Variants in RUNX3 observed in about 807,000 individuals in gnomAD.
RUNX3 encodes runt-related transcription factor 3.
Under a neutral mutation model 27.7 loss-of-function variants are expected in RUNX3, and 10 were observed. The observed-to-expected ratio is 0.36, with a 90% CI of 0.22 to 0.61. RUNX3 has a LOEUF of 0.61. Among genes scored for constraint, RUNX3 ranks in the 20% least tolerant of loss-of-function variants. RUNX3 has a pLI of 0.72. For synonymous variants in RUNX3, 270 were observed against 269.2 expected (o/e 1.00, Z -0.03); for missense variants, 469 against 629.5 (o/e 0.75, Z 2.73).
chr1:24,947,696 C>T (rs549925794), intron 2 of RUNX3, among the ~76,000 whole-genome samples: 30 of 152,264 alleles, frequency 2.0e-4, no homozygotes, highest in South Asian at 4.1e-4. Flanking sequence ...CCCCTGGGGA[C>T]GCTCCCTGTT....
At chr1:24,912,497 C>A (rs1230276775) in intron 3 of RUNX3, among the ~76,000 whole-genome samples, 1 of 152,102 alleles carries the variant, frequency 6.6e-6, no homozygotes, top group African/African-American at 2.4e-5. Context: ...GGAAGCCCCC[C>A]TTCTCCCACA....
intron 2 of RUNX3, among the ~76,000 whole-genome samples, chr1:24,957,179 G>A (rs1019178018): frequency 2.0e-5 from 3 of 152,210 alleles, no homozygotes; most frequent in Admixed American, 2.0e-4. Context: ...AAACCCCAAA[G>A]AGGAACCTAA....
rs1211912438 is a variant in RUNX3, at chr1:24,927,050, C to T, written c.439+524G>A. Among the ~76,000 whole-genome samples the T allele has an allele frequency of 1.3e-5, 2 of 152,096 alleles. No homozygotes were observed. Among genetic ancestry groups the T allele is most frequent in the South Asian group, 2.1e-4 (1 of 4,832 alleles). ...AGCTGTGCTTTCCAACATTCAGCTG[C>T]GTTAGCTTCCGTTCTAGACCACCTA... On this transcript the variant is annotated intron_variant, in intron 2 of 4. Transcript: ENST00000308873. This position sits in a 1 kb window ranked among gnomAD's most constrained non-coding sequence, Gnocchi z 5.0.
chr1:24,964,341 G>A (rs56791372), intron 2 of RUNX3, among the ~76,000 whole-genome samples: 1 of 152,092 alleles, frequency 6.6e-6, no homozygotes, highest in African/African-American at 2.4e-5. Flanking sequence ...GATGTTCCAC[G>A]CCAAGAGACC....
chr1:24,910,509 G>A (rs1640777154), intron 3 of RUNX3, among the ~76,000 whole-genome samples: 1 of 152,176 alleles, frequency 6.6e-6, no homozygotes, highest in Non-Finnish European at 1.5e-5. Flanking sequence ...CCACTGTAGG[G>A]CATGAGGGGA....
intron 2 of RUNX3, 121 bp from the exon 3 acceptor site, chr1:24,919,465 T>C: frequency 4.8e-6 from 3 of 622,446 alleles, no homozygotes; most frequent in Non-Finnish European, 8.5e-6. Context: ...CTCTGTCCTC[T>C]TTGAACATGG....
In RUNX3 at chr1:24,902,803, C is replaced by T. The variant is rs1640586731; in HGVS notation, c.704-137G>A. 2 of 675,798 alleles carry T rather than the reference C, an allele frequency of 3.0e-6. No homozygotes were observed. Among genetic ancestry groups the T allele is most frequent in the Non-Finnish European group, 4.5e-6 (2 of 449,120 alleles). The allele number at this position is 675,798 out of a possible 1,614,324, so 41.9% of individuals were successfully genotyped here. Reference sequence around the variant, plus strand: ...TCTAGACCTGGCTCTCCTCTTCCTGCCCTAGGCTGCCCGGGGCCTCCCCCG... The same window carrying T: ...TCTAGACCTGGCTCTCCTCTTCCTGTCCTAGGCTGCCCGGGGCCTCCCCCG... On this transcript the variant is annotated intron_variant, in intron 4 of 4. Coordinates refer to ENST00000308873, the MANE Select transcript of RUNX3 (RefSeq NM_004350.3). This position sits in a 1 kb window ranked among gnomAD's most constrained non-coding sequence, Gnocchi z 9.2.
intron 4 of RUNX3, among the ~76,000 whole-genome samples, chr1:24,906,925 C>T (rs1009192588): frequency 8.5e-5 from 13 of 152,216 alleles, no homozygotes; most frequent in African/African-American, 3.1e-4. Flanking sequence ...GTCACGGCTC[C>T]TTGGACAAGT....
intron 2 of RUNX3, among the ~76,000 whole-genome samples, chr1:24,937,083 G>T (rs1641365065): frequency 2.0e-5 from 3 of 152,240 alleles, no homozygotes; most frequent in Admixed American, 2.0e-4. Flanking sequence ...CAGTGGCAGG[G>T]CCAGCGGTCA....
chr1:24,911,469 C>A (rs1640794439), intron 3 of RUNX3, among the ~76,000 whole-genome samples: 1 of 152,230 alleles, frequency 6.6e-6, no homozygotes, highest in South Asian at 2.1e-4. Flanking sequence ...TCCTTTCCCC[C>A]ACCCCGAGCT....
chr1:24,902,251 G>T lies in RUNX3; in HGVS notation c.1119C>A (p.Ala373=), dbSNP rs148254134. 3 of 1,584,406 alleles carry T rather than the reference G, an allele frequency of 1.9e-6. No individual in the cohort carries two copies. Among genetic ancestry groups the T allele is most frequent in the African/African-American group, 2.7e-5 (2 of 74,738 alleles). Residue 373 remains alanine (A), a synonymous_variant, in exon 5 of 5, where the codon GCC becomes GCA. Transcript: ENST00000308873. The surrounding 1 kb of genome is among the most constrained non-coding windows in gnomAD (Gnocchi z 9.2). ...SCTSSAASVA[A]GNLMNPSLGG... is the part of the protein sequence containing the mutation. ...CCAGGCTGGGGTTCATGAGGTTGCC[G>T]GCGGCGACAGAGGCAGCGCTGCTGG...
Position 24,927,511 on chromosome 1 carries a change from C to T in RUNX3, c.439+63G>A. The T allele has an allele frequency of 6.4e-7, 1 of 1,561,518 alleles. No individual in the cohort carries two copies. The highest frequency in any genetic ancestry group is 8.8e-7 in the Non-Finnish European group (1 of 1,134,122). On this transcript the variant is annotated intron_variant, in intron 2 of 4. Coordinates refer to ENST00000308873, the MANE Select transcript of RUNX3 (RefSeq NM_004350.3). The surrounding 1 kb of genome is among the most constrained non-coding windows in gnomAD (Gnocchi z 5.0). ...CGGGATTCTAAGGCCCCTCTTTCAA[C>T]CTCCTTCCCTGCTGCCCCTGCCATT...
rs1350808416 is a variant in RUNX3, at chr1:24,927,448, C to T, written c.439+126G>A. ...TAATATCCTACAGGATTACAAATTG[C>T]TGTTTTTAGACAGAGCTGCATCTGG... On this transcript the variant is annotated intron_variant, in intron 2 of 4. Transcript: ENST00000308873. The surrounding 1 kb of genome is among the most constrained non-coding windows in gnomAD (Gnocchi z 5.0). 6 of 852,500 alleles carry T rather than the reference C, an allele frequency of 7.0e-6. No homozygotes were observed. The highest frequency in any genetic ancestry group is 3.4e-5 in the African/African-American group (2 of 59,518). 52.8% of individuals were successfully genotyped at this position (852,500 alleles called of 1,614,324 possible). A position where few individuals can be genotyped will look rare whatever the true frequency, so the allele number is the denominator to read the frequency against.
intron 2 of RUNX3, among the ~76,000 whole-genome samples, chr1:24,940,879 A>G (rs1485171008): frequency 1.3e-5 from 2 of 152,212 alleles, no homozygotes; most frequent in East Asian, 1.9e-4. Context: ...TGGTAGGTAG[A>G]TAGATGTCTG....
intron 2 of RUNX3, among the ~76,000 whole-genome samples, chr1:24,947,253 A>G (rs377578825): frequency 6.6e-6 from 1 of 152,122 alleles, no homozygotes; most frequent in Non-Finnish European, 1.5e-5. Flanking sequence ...GCTGCCTGCT[A>G]CCCAATGGGG....
intron 4 of RUNX3, among the ~76,000 whole-genome samples, chr1:24,903,459 G>A (rs1195929813): frequency 6.6e-6 from 1 of 152,200 alleles, no homozygotes; most frequent in Non-Finnish European, 1.5e-5. Flanking sequence ...CCCCAACCTG[G>A]TCACAGTGTC....
At chr1:24,910,152 G>C (rs1451748126) in intron 3 of RUNX3, among the ~76,000 whole-genome samples, 1 of 152,104 alleles carries the variant, frequency 6.6e-6, no homozygotes, top group Non-Finnish European at 1.5e-5. Context: ...AGCCGGGCGT[G>C]GTGGCGGGCG....
intron 2 of RUNX3, among the ~76,000 whole-genome samples, chr1:24,953,402 G>GAAAAAAAAAAAAAAAAAAAAAAAAAAAT (rs553316885): frequency 1.4e-5 from 1 of 70,480 alleles, no homozygotes. Context: ...AAAGAAAAAT[G>GAAAAAAAAAAAAAAAAAAAAAAAAAAAT]AAAAAAAAAA....
At chr1:24,903,318 AG>A (rs1640603600) in intron 4 of RUNX3, among the ~76,000 whole-genome samples, 1 of 152,150 alleles carries the variant, frequency 6.6e-6, no homozygotes. Flanking sequence ...AGTTCACAGG[AG>A]CTCTGGCCTC....
Sources: allele counts gnomAD v4.1 joint callset (sites outside exome capture counted in the v4.1 genomes callset), GRCh38; gene constraint gnomAD v4.1.1; non-coding constraint Gnocchi (gnomAD v3.1); transcripts MANE v1.5; gene names NCBI Gene and HGNC (gene_info 2026-07-23, HGNC 2026-07-21).